Variants in LTC4S observed in about 807,000 individuals in gnomAD.
LTC4S encodes LTC4 synthase.
LTC4S carries 18 observed loss-of-function variants against 19.6 expected under a neutral mutation model. The observed-to-expected ratio is 0.92, with a 90% CI of 0.64 to 1.36. The LOEUF (loss-of-function observed/expected upper bound fraction) is 1.36. LTC4S is among the 40% of genes most tolerant of loss of function. The pLI is 0.00. For missense variants in LTC4S, 235 were observed against 212.2 expected, an observed-to-expected ratio of 1.11 and a Z score of -0.67; for synonymous variants, 126 against 110.1, an observed-to-expected ratio of 1.14 and a Z score of -0.91.
At chr5:179,795,725 A>C in intron 2 of LTC4S, 42 bp downstream of exon 2, 1 of 1,565,076 alleles carries the variant, frequency 6.4e-7, no homozygotes. Context: ...AGCGAGCCCC[A>C]GGCGGGTCCG....
In LTC4S at chr5:179,796,319, GCTCGCC is replaced by G; in HGVS notation, c.380_385del (p.Leu127_Ala128del). 2.0e-6 allele frequency: 3 copies of G among 1,485,236 alleles called. No individual in the cohort carries two copies. In the Admixed American group the frequency reaches 6.8e-5, roughly 34 times the overall value. 92.0% of individuals were successfully genotyped at this position (1,485,236 alleles called of 1,614,324 possible). ...TGGTGGCGCTGGCTGCGCTCGGCCT[GCTCGCC>G]CACTTCCTCCCGGCCGCGCTGCGCG... On this transcript the variant is annotated inframe_deletion, in exon 5 of 5. Transcript: ENST00000292596.
chr5:179,794,416 G>A (rs1039113986), intron 1 of LTC4S, among the ~76,000 whole-genome samples: 3 of 152,064 alleles, frequency 2.0e-5, no homozygotes, highest in African/African-American at 4.8e-5. Flanking sequence ...CCCAGCAAGC[G>A]GCCCCCATTC....
chr5:179,795,001 G>A (rs1404452647), intron 1 of LTC4S, among the ~76,000 whole-genome samples: 2 of 152,184 alleles, frequency 1.3e-5, no homozygotes, highest in Non-Finnish European at 1.5e-5. Context: ...ATTTAGGCCT[G>A]GGACCGGAAT....
Position 179,796,519 on chromosome 5 carries a change from C to G in LTC4S, c.*125C>G. 7.8e-7 allele frequency: 1 copy of G among 1,282,720 alleles called. No homozygotes were observed. 79.5% of individuals were successfully genotyped at this position (1,282,720 alleles called of 1,614,324 possible). ...AAAGTTCTAGTGACCGAGACCCGGG[C>G]TGCGTTCTCTGGGTCCGCGGGGGTG... is the stretch of plus-strand genomic sequence containing the variant. On this transcript the variant is annotated 3_prime_UTR_variant, in exon 5 of 5. Transcript: ENST00000292596.
chr5:179,796,029 G>A lies in LTC4S; in HGVS notation c.311+7G>A, dbSNP rs1377187466. 3.3e-6 allele frequency: 5 copies of A among 1,516,288 alleles called. No individual in the cohort carries two copies. Among genetic ancestry groups the A allele is most frequent in the South Asian group, 1.2e-5 (1 of 82,106 alleles). The allele number at this position is 1,516,288 out of a possible 1,614,324, so 93.9% of individuals were successfully genotyped here. ...CGCGCTCCGCGCAGCTCAGGTGAGG[G>A]CCGGGCGGGGAGCGGGGCGGGGCCG... On this transcript the variant is annotated splice_region_variant and intron_variant, in intron 4 of 4. Coordinates refer to ENST00000292596, the MANE Select transcript of LTC4S (RefSeq NM_145867.2).
At chr5:179,796,161 C>A in intron 4 of LTC4S, 92 bp from the exon 5 acceptor site, 1 of 1,263,268 alleles carries the variant, frequency 7.9e-7, no homozygotes, top group South Asian at 1.7e-5. Context: ...CGAGCCCTGG[C>A]GGCGGCCAGA....
intron 1 of LTC4S, 89 bp from the exon 2 acceptor site, chr5:179,795,495 G>A: frequency 6.5e-7 from 1 of 1,532,222 alleles, no homozygotes; most frequent in East Asian, 2.5e-5. Context: ...ACACGGCCAA[G>A]TGAAGGGCCA....
intron 1 of LTC4S, 83 bp downstream of exon 1, chr5:179,794,221 A>C: frequency 3.2e-6 from 5 of 1,553,238 alleles, no homozygotes; most frequent in Middle Eastern, 1.7e-4. Flanking sequence ...GGTGGAGGGC[A>C]GAGGTGGGGA....
Position 179,795,576 on chromosome 5 carries a change from T to C in LTC4S, c.59-8T>C. On this transcript the variant is annotated splice_region_variant and splice_polypyrimidine_tract_variant and intron_variant, in intron 1 of 4. Coordinates refer to ENST00000292596, the MANE Select transcript of LTC4S (RefSeq NM_145867.2). ...CAGACCTGACTCCCGCTCCCCCTCC[T>C]CCCCCAGCCTACTTCTCCCTGCAGG... The C allele has an allele frequency of 1.2e-6, 2 of 1,605,590 alleles. No individual in the cohort carries two copies. Among genetic ancestry groups the C allele is most frequent in the Non-Finnish European group, 1.7e-6 (2 of 1,177,012 alleles).
chr5:179,794,154 T>C lies in LTC4S; in HGVS notation c.58+16T>C, dbSNP rs773196362. On this transcript the variant is annotated intron_variant, in intron 1 of 4. Transcript: ENST00000292596. Reference sequence around the variant, plus strand: ...CTGCTGCAAGGTGGGCTGGTTCCTATCTAGGAAGAGGGTGGGCCTTAGATC... The same window carrying C: ...CTGCTGCAAGGTGGGCTGGTTCCTACCTAGGAAGAGGGTGGGCCTTAGATC... The C allele has an allele frequency of 6.2e-7, 1 of 1,613,120 alleles. No homozygotes were observed. Among genetic ancestry groups the C allele is most frequent in the Non-Finnish European group, 8.5e-7 (1 of 1,179,756 alleles).
In LTC4S at chr5:179,796,460, G is replaced by A. The variant is rs1756632758; in HGVS notation, c.*66G>A. 1.4e-6 allele frequency: 2 copies of A among 1,418,394 alleles called. No individual in the cohort carries two copies. Among genetic ancestry groups the A allele is most frequent in the Non-Finnish European group, 1.8e-6 (2 of 1,091,194 alleles). 87.9% of individuals were successfully genotyped at this position (1,418,394 alleles called of 1,614,324 possible). On this transcript the variant is annotated 3_prime_UTR_variant, in exon 5 of 5. Coordinates refer to ENST00000292596, the MANE Select transcript of LTC4S (RefSeq NM_145867.2). ...CGGAGCCTCCAGCTGCCCCGGGGAG[G>A]GGCGCTCGCTTCCGCATCCTAGTCT...
At chr5:179,795,289 G>A (rs1232234419) in intron 1 of LTC4S, 4 of 1,002,346 alleles carry the variant, frequency 4.0e-6, no homozygotes, top group East Asian at 3.4e-5. Context: ...TCTCTCTCGC[G>A]GAGCAGGTGT....
Position 179,795,923 on chromosome 5 carries a change from C to A in LTC4S, c.230-18C>A. Reference sequence around the variant, plus strand: ...ACCCGCGCAGGGCGCTCACCAGGCCCGTGCGTACCTCTCGCAGGGGCGGCG... The same window carrying A: ...ACCCGCGCAGGGCGCTCACCAGGCCAGTGCGTACCTCTCGCAGGGGCGGCG... On this transcript the variant is annotated intron_variant, in intron 3 of 4. Coordinates refer to ENST00000292596, the MANE Select transcript of LTC4S (RefSeq NM_145867.2). 6 of 1,578,310 alleles carry A rather than the reference C, an allele frequency of 3.8e-6. No homozygotes were observed. Among genetic ancestry groups the A allele is most frequent in the Non-Finnish European group, 5.1e-6 (6 of 1,166,590 alleles).
At position 179,796,006 on chromosome 5, in the gene LTC4S, C is replaced by G; in HGVS notation, c.295C>G (p.Arg99Gly). 7 of 1,531,352 alleles carry G rather than the reference C, an allele frequency of 4.6e-6. No homozygotes were observed. Among genetic ancestry groups the G allele is most frequent in the Non-Finnish European group, 6.1e-6 (7 of 1,145,012 alleles). The allele number at this position is 1,531,352 out of a possible 1,614,324, so 94.9% of individuals were successfully genotyped here. A position where few individuals can be genotyped will look rare whatever the true frequency, so the allele number is the denominator to read the frequency against. The change falls in exon 4 of 5, where the codon CGC (arginine) becomes GGC (glycine). Residue 99 changes from arginine (R) to glycine (G), a missense_variant. Arg to Gly is a moderately radical substitution (Grantham distance 125). Coordinates refer to ENST00000292596, the MANE Select transcript of LTC4S (RefSeq NM_145867.2). ...CCTCCGCTACTTCCAGGGCTACGCG[C>G]GCTCCGCGCAGCTCAGGTGAGGGCC... ...ARLRYFQGYA[R>G]SAQLRLAPLY...
chr5:179,794,148 T>C lies in LTC4S; in HGVS notation c.58+10T>C, dbSNP rs523487. 1.2e-6 allele frequency: 2 copies of C among 1,613,084 alleles called. No individual in the cohort carries two copies. Among genetic ancestry groups the C allele is most frequent in the Admixed American group, 1.7e-5 (1 of 59,962 alleles). The stretch of plus-strand genomic sequence containing the variant: ...GGAGTCCTGCTGCAAGGTGGGCTGG[T>C]TCCTATCTAGGAAGAGGGTGGGCCT... On this transcript the variant is annotated intron_variant, in intron 1 of 4. Transcript: ENST00000292596.
intron 2 of LTC4S, 39 bp from the exon 3 acceptor site, chr5:179,795,747 C>A: frequency 6.4e-7 from 1 of 1,567,494 alleles, no homozygotes; most frequent in Non-Finnish European, 8.6e-7. Flanking sequence ...GTCGCAGGAC[C>A]ATCCCGGCCG....
Position 179,796,500 on chromosome 5 carries a change from C to A in LTC4S, c.*106C>A. On this transcript the variant is annotated 3_prime_UTR_variant, in exon 5 of 5. Coordinates refer to ENST00000292596, the MANE Select transcript of LTC4S (RefSeq NM_145867.2). ...CATCCTAGTCTCTATCATTAAAGTT[C>A]TAGTGACCGAGACCCGGGCTGCGTT... The A allele has an allele frequency of 2.2e-6, 3 of 1,340,016 alleles. No homozygotes were observed. Among genetic ancestry groups the A allele is most frequent in the East Asian group, 3.2e-5 (1 of 31,524 alleles). 83.0% of individuals were successfully genotyped at this position (1,340,016 alleles called of 1,614,324 possible). A position where few individuals can be genotyped will look rare whatever the true frequency, so the allele number is the denominator to read the frequency against.
chr5:179,795,466 C>A lies in LTC4S; in HGVS notation c.59-118C>A, dbSNP rs1049625850. ...CCTCGGGCGGGGAGGGGGCGGGGTT[C>A]CGCCTTAGGGAGGAGAGGACACGGC... On this transcript the variant is annotated intron_variant, in intron 1 of 4. Transcript: ENST00000292596. 2.7e-6 allele frequency: 4 copies of A among 1,507,598 alleles called. No homozygotes were observed. In the Middle Eastern group the frequency reaches 6.1e-4, roughly 230 times the overall value. 93.4% of individuals were successfully genotyped at this position (1,507,598 alleles called of 1,614,324 possible). A position where few individuals can be genotyped will look rare whatever the true frequency, so the allele number is the denominator to read the frequency against.
In LTC4S at chr5:179,794,885, A is replaced by G. The variant is rs571020323; in HGVS notation, c.59-699A>G. ...GGGCTCCTGCCCACAGAGAAACTTTAGGGCCAGCCCACCCTCTGCAACTAC... is the reference window on the plus strand; with the variant it reads ...GGGCTCCTGCCCACAGAGAAACTTTGGGGCCAGCCCACCCTCTGCAACTAC... On this transcript the variant is annotated intron_variant, in intron 1 of 4. Coordinates refer to ENST00000292596, the MANE Select transcript of LTC4S (RefSeq NM_145867.2). Among the ~76,000 whole-genome samples the G allele has an allele frequency of 3.1e-4, 47 of 152,280 alleles. No individual in the cohort carries two copies. The South Asian group carries it at 9.7e-3, about 32-fold the overall frequency.
Sources: allele counts gnomAD v4.1 joint callset (sites outside exome capture counted in the v4.1 genomes callset), GRCh38; gene constraint gnomAD v4.1.1; transcripts MANE v1.5; gene names NCBI Gene and HGNC (gene_info 2026-07-23, HGNC 2026-07-21).